The following SSH1 variants were observed in gnomAD, a reference collection of about 807,000 sequenced individuals.
SSH1 encodes the protein slingshot protein phosphatase 1, also known as protein phosphatase Slingshot homolog 1.
SSH1 carries 43 observed loss-of-function variants against 79.7 expected under a neutral mutation model. The observed-to-expected ratio is 0.54, with a 90% CI of 0.42 to 0.70. The LOEUF (loss-of-function observed/expected upper bound fraction) is 0.70. SSH1 is among the 30% of genes least tolerant of loss of function. The probability of loss-of-function intolerance (pLI) is 0.00; values close to 1 mark genes in which losing one functional copy is unlikely to be tolerated. For missense variants in SSH1, 1,206 were observed against 1,358.8 expected (o/e 0.89, Z 1.77); for synonymous variants, 599 against 538.3 (o/e 1.11, Z -1.56).
rs1294809405 is a variant in SSH1 at position 108,835,915 on chromosome 12, A to AT, written c.111-12555_111-12554insA. Among the ~76,000 whole-genome samples the AT allele has an allele frequency of 5.7e-4, 51 of 89,318 alleles. 7 individuals carry two copies. The highest frequency in any genetic ancestry group is 2.0e-3 in the African/African-American group (48 of 23,950). The allele number at this position is 89,318 out of a possible 152,430, so 58.6% of individuals were successfully genotyped here. A position where few individuals can be genotyped will look rare whatever the true frequency, so the allele number is the denominator to read the frequency against. ...TAACTATATTAATATAATTAATTATAACTATATTAATATAATCAATTATAA... is the reference window on the plus strand; with the variant it reads ...TAACTATATTAATATAATTAATTATATACTATATTAATATAATCAATTATAA... On this transcript the variant is annotated intron_variant, in intron 2 of 14. Transcript: ENST00000326495.
In SSH1 at chr12:108,779,200, A is replaced by T. The variant is rs2036124763; in HGVS notation, c.*8788T>A. The T allele has an allele frequency of 6.6e-6, 1 of 152,240 alleles. No individual in the cohort carries two copies. The highest frequency in any genetic ancestry group is 1.5e-5 in the Non-Finnish European group (1 of 68,038). The allele number at this position is 152,240 out of a possible 1,614,324, so 9.4% of individuals were successfully genotyped here. ...GTATTTGCTGAAGTGGTTTACAAAA[A>T]AAAGGAATTTCAGGTTGAAAATGGA... On this transcript the variant is annotated 3_prime_UTR_variant, in exon 15 of 15. Transcript: ENST00000326495.
intron 8 of SSH1, among the ~76,000 whole-genome samples, chr12:108,806,617 G>C (rs1463682596): frequency 6.6e-6 from 1 of 152,212 alleles, no homozygotes; most frequent in Non-Finnish European, 1.5e-5. Flanking sequence ...AGGTCAAGCG[G>C]GGAGAGGACA....
rs752698379 is a variant in SSH1 at position 108,852,694 on chromosome 12, G to A, written c.70-16C>T. ...CAGCCTCCAACTACAGAGAAAGAAA[G>A]AGAATATCACACCACAGGCACCACT... On this transcript the variant is annotated splice_polypyrimidine_tract_variant and intron_variant, in intron 1 of 14. Transcript: ENST00000326495. 1.2e-6 allele frequency: 2 copies of A among 1,614,088 alleles called. No homozygotes were observed. The highest frequency in any genetic ancestry group is 2.2e-5 in the South Asian group (2 of 91,086).
chr12:108,792,789 T>C lies in SSH1; in HGVS notation c.1390A>G (p.Ser464Gly). The C allele has an allele frequency of 6.2e-7, 1 of 1,613,858 alleles. No individual in the cohort carries two copies. Among genetic ancestry groups the C allele is most frequent in the South Asian group, 1.1e-5 (1 of 91,082 alleles). ...TCATCCACAGGCTGCTGGAGGCTGC[T>C]GTCTGTCTGCTGACGCCACAGCTTG... ...HNKLWRQQTD[S>G]SLQQPVDDPA... The change falls in exon 14 of 15, where the codon AGC becomes GGC. Residue 464 changes from serine to glycine, a missense_variant. Ser to Gly is a moderately conservative substitution (Grantham distance 56). Coordinates refer to ENST00000326495, the MANE Select transcript of SSH1 (RefSeq NM_018984.4).
chr12:108,816,922 C>T (rs2037916776), intron 5 of SSH1, 116 bp downstream of exon 5: 3 of 1,516,346 alleles, frequency 2.0e-6, no homozygotes, highest in African/African-American at 1.4e-5. Context: ...TCCCCAGGCT[C>T]TCCATCAGGA....
Position 108,785,526 on chromosome 12 carries a change from C to T in SSH1, c.*2462G>A, listed in dbSNP as rs2036248184. ...CTTTTCTCCAGGCCAGGCTATTAAG[C>T]ATCAAGTCCAGAATGCTTCACTCTG... On this transcript the variant is annotated 3_prime_UTR_variant, in exon 15 of 15. Transcript: ENST00000326495. The T allele has an allele frequency of 6.6e-6, 1 of 152,170 alleles. No individual in the cohort carries two copies. Among genetic ancestry groups the T allele is most frequent in the Admixed American group, 6.5e-5 (1 of 15,276 alleles). The allele number at this position is 152,170 out of a possible 1,614,324, so 9.4% of individuals were successfully genotyped here.
At chr12:108,809,140 A>G (rs555475801) in intron 7 of SSH1, among the ~76,000 whole-genome samples, 1 of 150,532 alleles carries the variant, frequency 6.6e-6, no homozygotes, top group South Asian at 2.1e-4. Context: ...AGCCCATTTT[A>G]CTTCTTTTTA....
chr12:108,807,636 T>C lies in SSH1; in HGVS notation c.728A>G (p.Asp243Gly). The C allele has an allele frequency of 6.2e-7, 1 of 1,612,422 alleles. No homozygotes were observed. Among genetic ancestry groups the C allele is most frequent in the Non-Finnish European group, 8.5e-7 (1 of 1,179,052 alleles). Residue 243 changes from aspartate (D) to glycine (G), a missense_variant, in exon 8 of 15, where the codon GAC (aspartate) becomes GGC (glycine). Asp to Gly is a moderately conservative substitution (Grantham distance 94). Around this residue, in one of 5 missense-constraint regions of SSH1, gnomAD observed 116 missense variants for 109.0 expected, o/e 1.06. Transcript: ENST00000326495. This position sits in a 1 kb window ranked among gnomAD's most constrained non-coding sequence, Gnocchi z 5.2. ...TRPDSPALFV[D>G]KPTEGERTER... is the part of the protein sequence containing the mutation. ...ACACCAGAGGCACCTCACTTACTTGTCCACAAATAGCGCGGGGGAGTCGGG... is the reference window on the plus strand; with the variant it reads ...ACACCAGAGGCACCTCACTTACTTGCCCACAAATAGCGCGGGGGAGTCGGG...
At chr12:108,800,683 C>T in intron 12 of SSH1, 97 bp downstream of exon 12, 2 of 1,502,362 alleles carry the variant, frequency 1.3e-6, no homozygotes, top group Non-Finnish European at 1.8e-6. Context: ...TCCCCCCTCC[C>T]ACCAGCCGAC....
chr12:108,821,760 TC>T (rs2038130296), intron 3 of SSH1, among the ~76,000 whole-genome samples: 3 of 152,314 alleles, frequency 2.0e-5, no homozygotes, highest in Middle Eastern at 3.4e-3. Context: ...CTAAATATCA[TC>T]AACATCAGTA....
intron 14 of SSH1, chr12:108,791,834 G>A (rs1358707248): frequency 5.5e-6 from 4 of 731,784 alleles, no homozygotes; most frequent in Non-Finnish European, 7.3e-6. Context: ...ATCTAAATCT[G>A]GGATTGGTTC....
intron 1 of SSH1, chr12:108,853,321 G>C (rs1270010995): frequency 1.0e-6 from 1 of 985,178 alleles, no homozygotes; most frequent in Non-Finnish European, 1.2e-6. Context: ...TTGGGCTCCA[G>C]AAGTACCTAT....
At chr12:108,811,219 A>C in intron 6 of SSH1, 41 bp downstream of exon 6, 1 of 1,586,450 alleles carries the variant, frequency 6.3e-7, no homozygotes, top group Non-Finnish European at 8.7e-7. Flanking sequence ...TTCAATGCCT[A>C]CTACATACAG....
At chr12:108,852,843 C>T (rs1218481428) in intron 1 of SSH1, 165 bp from the exon 2 acceptor site, 1 of 985,248 alleles carries the variant, frequency 1.0e-6, no homozygotes, top group Non-Finnish European at 1.2e-6. Flanking sequence ...CCGGTCTGTC[C>T]CTTGGAGTCA....
chr12:108,846,538 G>A (rs1169564524), intron 2 of SSH1, among the ~76,000 whole-genome samples: 1 of 152,248 alleles, frequency 6.6e-6, no homozygotes, highest in East Asian at 1.9e-4. Context: ...CAGAAGGCAG[G>A]GGAGAGCGAG....
chr12:108,822,218 C>T (rs1215461006), intron 3 of SSH1, among the ~76,000 whole-genome samples: 1 of 152,158 alleles, frequency 6.6e-6, no homozygotes, highest in Non-Finnish European at 1.5e-5. Flanking sequence ...ACATCAGCCT[C>T]GACCTCCTGG....
rs991927172 is a variant in SSH1 at position 108,857,079 on chromosome 12, C to A, written c.69+349G>T. ...CACAACGCACACAGTCTCCGCCTAA[C>A]AGGGGTCACCCCAAGATGGGGGTAA... On this transcript the variant is annotated intron_variant, in intron 1 of 14. Transcript: ENST00000326495. The surrounding 1 kb of genome is among the most constrained non-coding windows in gnomAD (Gnocchi z 4.7). Among the ~76,000 whole-genome samples, 2 of 152,212 alleles carry A rather than the reference C, an allele frequency of 1.3e-5. No individual in the cohort carries two copies. Among genetic ancestry groups the A allele is most frequent in the African/African-American group, 4.8e-5 (2 of 41,460 alleles).
intron 2 of SSH1, chr12:108,827,248 G>T (rs1054217547): frequency 1.3e-6 from 2 of 1,540,726 alleles, no homozygotes; most frequent in Non-Finnish European, 1.8e-6. Flanking sequence ...CAGTAATCAG[G>T]GTGGTCATAC....
At chr12:108,814,557 G>A (rs1384250641) in intron 5 of SSH1, among the ~76,000 whole-genome samples, 1 of 152,112 alleles carries the variant, frequency 6.6e-6, no homozygotes, top group African/African-American at 2.4e-5. Context: ...GATTCCCTGG[G>A]CACAGAAGGC....
Sources: allele counts gnomAD v4.1 joint callset (sites outside exome capture counted in the v4.1 genomes callset), GRCh38; gene constraint gnomAD v4.1.1; regional missense constraint gnomAD v4.1.1; non-coding constraint Gnocchi (gnomAD v3.1); transcripts MANE v1.5; gene names NCBI Gene and HGNC (gene_info 2026-07-23, HGNC 2026-07-21).